RORA: variants seen among roughly 807,000 people sequenced by gnomAD.
The protein encoded by RORA is RAR related orphan receptor A, also known as nuclear receptor ROR-alpha.
RORA carries 7 observed loss-of-function variants against 69.5 expected under a neutral mutation model. The observed-to-expected ratio is 0.10, with a 90% CI of 0.06 to 0.19. RORA has a LOEUF of 0.19. Ranked by LOEUF, RORA falls within the 10% of genes least tolerant of loss-of-function variation. The pLI, the probability that RORA is intolerant of heterozygous loss-of-function variation, is 1.00. For synonymous variants in RORA, 261 were observed against 240.8 expected (o/e 1.08, Z -0.78); for missense variants, 457 against 663.0 (o/e 0.69, Z 3.41).
chr15:60,698,058 G>A (rs144528132), intron 1 of RORA, among the ~76,000 whole-genome samples: 10 of 152,280 alleles, frequency 6.6e-5, no homozygotes, highest in East Asian at 5.8e-4. Context: ...AAACACTTCC[G>A]TGTCTGTAGT....
At chr15:61,168,117 A>G (rs2079553602) in intron 1 of RORA, among the ~76,000 whole-genome samples, 1 of 150,326 alleles carries the variant, frequency 6.7e-6, no homozygotes, top group African/African-American at 2.4e-5. Context: ...TATATATAAT[A>G]TATATTAAAA....
intron 1 of RORA, among the ~76,000 whole-genome samples, chr15:60,704,461 A>C (rs1041632775): frequency 1.3e-5 from 2 of 152,244 alleles, no homozygotes; most frequent in Non-Finnish European, 2.9e-5. Context: ...GATGCAAAAA[A>C]AATAAAAACA....
intron 2 of RORA, among the ~76,000 whole-genome samples, chr15:60,615,559 A>G (rs2069218265): frequency 6.6e-6 from 1 of 152,196 alleles, no homozygotes; most frequent in Admixed American, 6.5e-5. Context: ...GCGTTTACCC[A>G]GCAAAACCAA....
At chr15:60,881,593 C>A (rs1056311770) in intron 1 of RORA, among the ~76,000 whole-genome samples, 1 of 151,606 alleles carries the variant, frequency 6.6e-6, no homozygotes, top group African/African-American at 2.4e-5. Context: ...TCTAGCCTTT[C>A]TTTTACCACC....
At chr15:60,513,383 C>T (rs1283839638) in intron 4 of RORA, among the ~76,000 whole-genome samples, 1 of 152,180 alleles carries the variant, frequency 6.6e-6, no homozygotes, top group Non-Finnish European at 1.5e-5. Context: ...TTCTAGGACA[C>T]TCAAGGGGCC....
chr15:60,701,173 A>G (rs926587869), intron 1 of RORA, among the ~76,000 whole-genome samples: 2 of 152,140 alleles, frequency 1.3e-5, no homozygotes, highest in Admixed American at 1.3e-4. Flanking sequence ...CCTTCCAATT[A>G]AGTACACGGA....
intron 1 of RORA, among the ~76,000 whole-genome samples, chr15:61,040,158 ATAT>A (rs1432077729): frequency 1.6e-5 from 2 of 123,582 alleles, no homozygotes; most frequent in East Asian, 2.5e-4. Context: ...ATATATATAT[ATAT>A]ATAAAATATA....
intron 2 of RORA, among the ~76,000 whole-genome samples, chr15:60,591,443 C>T (rs1488621716): frequency 1.3e-5 from 2 of 152,220 alleles, no homozygotes; most frequent in African/African-American, 2.4e-5. Context: ...AGTTCCCTGA[C>T]TTGCCACGGT....
intron 1 of RORA, among the ~76,000 whole-genome samples, chr15:61,174,278 A>C (rs1245847377): frequency 1.3e-5 from 2 of 152,162 alleles, no homozygotes; most frequent in Non-Finnish European, 2.9e-5. Context: ...CCCAGCTTAC[A>C]TTCTGCCTTC....
rs548831248 is a variant in RORA, at chr15:60,920,167, C to T, written c.167-241481G>A. Among the ~76,000 whole-genome samples, 4 of 152,240 alleles carry T rather than the reference C, an allele frequency of 2.6e-5. No individual in the cohort carries two copies. The East Asian group carries it at 5.8e-4, about 22-fold the overall frequency. On this transcript the variant is annotated intron_variant, in intron 1 of 10. Transcript: ENST00000335670. The stretch of plus-strand genomic sequence containing the variant: ...ACTTGGAGGCAGAAAAGAAAGCTTC[C>T]GGAGACCTTGGAATTATGTATGCAT...
intron 1 of RORA, among the ~76,000 whole-genome samples, chr15:61,155,727 A>G (rs979938207): frequency 2.6e-5 from 4 of 152,210 alleles, no homozygotes; most frequent in Non-Finnish European, 5.9e-5. Context: ...GTTTCCTCCA[A>G]TAACATTAAT....
chr15:60,721,239 C>A (rs1486063370), intron 1 of RORA, among the ~76,000 whole-genome samples: 1 of 152,142 alleles, frequency 6.6e-6, no homozygotes. Flanking sequence ...TTAAGCTGCA[C>A]CAATTGCCGG....
intron 3 of RORA, chr15:60,529,343 A>C (rs1278939954): frequency 6.6e-6 from 1 of 151,396 alleles, no homozygotes; most frequent in African/African-American, 2.5e-5. Flanking sequence ...TAAAATGGCA[A>C]AAATAGAAGT....
Position 60,497,306 on chromosome 15 carries a change from C to G in RORA, c.*149G>C. On this transcript the variant is annotated 3_prime_UTR_variant, in exon 11 of 11. Coordinates refer to ENST00000335670, the MANE Select transcript of RORA (RefSeq NM_134261.3). ...ACTTTTATTTGTTTTCATTGTTTCC[C>G]CTCCTTTGCCTGACCCCGATCACCA... 1 of 589,674 alleles carries G rather than the reference C, an allele frequency of 1.7e-6. No homozygotes were observed. Among genetic ancestry groups the G allele is most frequent in the East Asian group, 2.9e-5 (1 of 35,002 alleles). The allele number at this position is 589,674 out of a possible 1,614,324, so 36.5% of individuals were successfully genotyped here.
chr15:60,500,052 C>CAG, intron 9 of RORA, 48 bp from the exon 10 acceptor site: 1 of 1,151,292 alleles, frequency 8.7e-7, no homozygotes, highest in Non-Finnish European at 1.3e-6. Context: ...GACATGGTGT[C>CAG]AGGATCCTTC....
chr15:61,006,317 G>GTT, intron 1 of RORA, among the ~76,000 whole-genome samples: 1 of 152,106 alleles, frequency 6.6e-6, no homozygotes, highest in South Asian at 2.1e-4. Flanking sequence ...GATTTCTACA[G>GTT]TGACCATGTA....
rs550681879 is a variant in RORA at position 60,750,753 on chromosome 15, AT to A, written c.167-72068del. ...TGTATTTTCATTTTTCACTTAAAAA[AT>A]ATTTGTATTTTACCTTCAGGGAAGG... On this transcript the variant is annotated intron_variant, in intron 1 of 10. Transcript: ENST00000335670. Among the ~76,000 whole-genome samples the A allele has an allele frequency of 1.2e-3, 182 of 152,316 alleles. 1 individual carries two copies. The highest frequency in any genetic ancestry group is 1.9e-3 in the Non-Finnish European group (128 of 68,032).
At chr15:60,637,814 CT>C (rs2069867925) in intron 2 of RORA, among the ~76,000 whole-genome samples, 1 of 151,044 alleles carries the variant, frequency 6.6e-6, no homozygotes, top group Non-Finnish European at 1.5e-5. Flanking sequence ...CCTTTTCTTT[CT>C]TTTTTTCTTT....
At chr15:61,030,312 A>T (rs782957) in intron 1 of RORA, among the ~76,000 whole-genome samples, 26,256 of 152,156 alleles carry the variant, frequency 0.17, 2,386 homozygotes, top group African/African-American at 0.23. Flanking sequence ...ATTTGCTGAT[A>T]TTGATGGTTG....
Sources: gnomAD v4.1 joint callset for allele counts (sites outside exome capture counted in the v4.1 genomes callset) on GRCh38, gnomAD v4.1.1 for gene constraint, MANE v1.5 for transcripts, NCBI Gene and HGNC (gene_info 2026-07-23, HGNC 2026-07-21) for gene names.